TENT2: variants seen among roughly 807,000 people sequenced by gnomAD.
TENT2 encodes poly(A) RNA polymerase GLD2.
TENT2 carries 44 observed loss-of-function variants against 72.2 expected under a neutral mutation model. The ratio of observed to expected loss-of-function variants is 0.61; its 90% confidence interval spans 0.48 to 0.78. The LOEUF (loss-of-function observed/expected upper bound fraction) is 0.78. TENT2 is among the 30% of genes least tolerant of loss of function. The pLI is 0.00. For missense variants in TENT2, 541 were observed against 569.6 expected, an observed-to-expected ratio of 0.95 and a Z score of 0.51; for synonymous variants, 212 against 192.5, an observed-to-expected ratio of 1.10 and a Z score of -0.84.
At position 79,641,121 on chromosome 5, in the gene TENT2, G is replaced by A; in HGVS notation, c.597G>A (p.Leu199=). ...TTTCTTTAGAAAGCAGACTTTTTTT[G>A]GTTGGGTCCTCTTTAAATGGATTTG... The part of the protein sequence containing the change: ...QLLFPQSRLF[L]VGSSLNGFGT... The change falls in exon 6 of 15, where the codon TTG becomes TTA. Residue 199 remains leucine (L), a synonymous_variant. Transcript: ENST00000453514. 6.4e-7 allele frequency: 1 copy of A among 1,565,984 alleles called. No homozygotes were observed. The highest frequency in any genetic ancestry group is 8.6e-7 in the Non-Finnish European group (1 of 1,165,536).
chr5:79,631,129 C>G (rs180727150), intron 4 of TENT2, among the ~76,000 whole-genome samples: 1 of 152,200 alleles, frequency 6.6e-6, no homozygotes, highest in East Asian at 1.9e-4. Context: ...TCCTGTGTAC[C>G]CTACTACATT....
chr5:79,649,214 A>T, intron 10 of TENT2, 24 bp downstream of exon 10: 1 of 1,598,698 alleles, frequency 6.3e-7, no homozygotes, highest in Non-Finnish European at 8.6e-7. Flanking sequence ...GGTTTTACCC[A>T]ATTTTTAAAA....
At position 79,686,315 on chromosome 5, in the gene TENT2, GAA is replaced by G. The variant is rs775656986; in HGVS notation, c.*1044_*1045del. On this transcript the variant is annotated 3_prime_UTR_variant, in exon 15 of 15. Coordinates refer to ENST00000453514, the MANE Select transcript of TENT2 (RefSeq NM_001114394.3). The stretch of plus-strand genomic sequence containing the variant: ...TTTTTTAGTATTTCTTTTTTCACAT[GAA>G]AGAAGTGGTGGCTGCTAAAAAAAAA... The G allele has an allele frequency of 2.6e-5, 4 of 151,812 alleles. No individual in the cohort carries two copies. The highest frequency in any genetic ancestry group is 5.9e-5 in the Non-Finnish European group (4 of 67,936). The allele number at this position is 151,812 out of a possible 1,614,324, so 9.4% of individuals were successfully genotyped here.
intron 8 of TENT2, 76 bp from the exon 9 acceptor site, chr5:79,648,541 T>G: frequency 1.0e-6 from 1 of 991,806 alleles, no homozygotes; most frequent in Non-Finnish European, 1.5e-6. Context: ...GGATGAGCAT[T>G]AATTTAGTTA....
intron 11 of TENT2, among the ~76,000 whole-genome samples, chr5:79,662,349 C>T (rs940080301): frequency 7.2e-5 from 11 of 152,112 alleles, no homozygotes; most frequent in African/African-American, 2.4e-4. Context: ...TTTGACCTCC[C>T]ATGAATCATG....
chr5:79,620,216 G>A (rs1391250949), intron 3 of TENT2, 133 bp downstream of exon 3: 3 of 523,754 alleles, frequency 5.7e-6, no homozygotes, highest in Non-Finnish European at 1.0e-5. Flanking sequence ...GATCAGATGA[G>A]TCATGGAATT....
At chr5:79,658,267 T>A (rs6877427) in intron 11 of TENT2, among the ~76,000 whole-genome samples, 20 of 152,058 alleles carry the variant, frequency 1.3e-4, no homozygotes, top group African/African-American at 4.6e-4. Context: ...GTCTTTATGG[T>A]CTCTTAAACA....
chr5:79,678,422 T>G (rs2150890962), intron 12 of TENT2, among the ~76,000 whole-genome samples: 1 of 152,264 alleles, frequency 6.6e-6, no homozygotes, highest in East Asian at 1.9e-4. Flanking sequence ...GAAAGTTAAA[T>G]ACTACTTAAA....
At chr5:79,628,643 T>C (rs1313473809) in intron 4 of TENT2, among the ~76,000 whole-genome samples, 1 of 152,146 alleles carries the variant, frequency 6.6e-6, no homozygotes, top group Non-Finnish European at 1.5e-5. Flanking sequence ...GGGTTACCAG[T>C]AGAGATAAAG....
In TENT2 at chr5:79,687,320, G is replaced by C. The variant is rs1654187144; in HGVS notation, c.*2047G>C. ...TTAATCTCAATTATTTGTGTGGTGA[G>C]TACTAAATTATTTTCTGTTTGTGTT... On this transcript the variant is annotated 3_prime_UTR_variant, in exon 15 of 15. Transcript: ENST00000453514. Among the ~76,000 whole-genome samples, 1 of 152,084 alleles carries C rather than the reference G, an allele frequency of 6.6e-6. No homozygotes were observed. The highest frequency in any genetic ancestry group is 2.4e-5 in the African/African-American group (1 of 41,416).
rs770227855 is a variant in TENT2 at position 79,620,028 on chromosome 5, T to C, written c.172T>C (p.Tyr58His). The change falls in exon 3 of 15, where the codon TAT becomes CAT. Residue 58 changes from tyrosine (Y) to histidine (H), a missense_variant. Transcript: ENST00000453514. ...AGCTGTGTCATTACAGCAGCTGACA[T>C]ATGGAAATGTCAGTCCAATACAGAC... is the stretch of plus-strand genomic sequence containing the variant. The part of the protein sequence containing the change: ...SRAVSLQQLT[Y>H]GNVSPIQTSA... 2 of 1,612,316 alleles carry C rather than the reference T, an allele frequency of 1.2e-6. No homozygotes were observed. Among genetic ancestry groups the C allele is most frequent in the Admixed American group, 1.7e-5 (1 of 59,988 alleles).
intron 4 of TENT2, among the ~76,000 whole-genome samples, chr5:79,636,770 A>G (rs955729029): frequency 6.6e-6 from 1 of 152,092 alleles, no homozygotes; most frequent in Non-Finnish European, 1.5e-5. Context: ...GGTTCTCTCA[A>G]TATTTTCTAG....
intron 14 of TENT2, among the ~76,000 whole-genome samples, chr5:79,682,629 G>A (rs1197247403): frequency 6.6e-6 from 1 of 152,026 alleles, no homozygotes; most frequent in Non-Finnish European, 1.5e-5. Flanking sequence ...TCCAAAATAA[G>A]TGAATAAAAC....
In TENT2 at chr5:79,659,504, C is replaced by G. The variant is rs1374169640; in HGVS notation, c.1071+2503C>G. ...CCCAGATTGCGCCACTGTACTCCAG[C>G]CTCGGCGACAGAGCGAGACTCTGTC... is the stretch of plus-strand genomic sequence containing the variant. On this transcript the variant is annotated intron_variant, in intron 11 of 14. Coordinates refer to ENST00000453514, the MANE Select transcript of TENT2 (RefSeq NM_001114394.3). Among the ~76,000 whole-genome samples the G allele has an allele frequency of 2.3e-5, 3 of 128,434 alleles. No homozygotes were observed. In the South Asian group the frequency reaches 7.5e-4, roughly 32 times the overall value. 84.3% of individuals were successfully genotyped at this position (128,434 alleles called of 152,430 possible). A position where few individuals can be genotyped will look rare whatever the true frequency, so the allele number is the denominator to read the frequency against.
At chr5:79,681,269 C>G (rs1256765465) in intron 13 of TENT2, among the ~76,000 whole-genome samples, 1 of 150,090 alleles carries the variant, frequency 6.7e-6, no homozygotes, top group Non-Finnish European at 1.5e-5. Context: ...AAGTGATTCC[C>G]CTGCCTCAGC....
At chr5:79,626,406 C>T (rs536509650) in intron 4 of TENT2, among the ~76,000 whole-genome samples, 26 of 149,916 alleles carry the variant, frequency 1.7e-4, no homozygotes, top group Non-Finnish European at 1.8e-4. Context: ...CTCCTGTGTT[C>T]GCGCTATTCT....
At chr5:79,640,129 G>A (rs1026174621) in intron 4 of TENT2, among the ~76,000 whole-genome samples, 3 of 152,084 alleles carry the variant, frequency 2.0e-5, no homozygotes, top group Non-Finnish European at 4.4e-5. Flanking sequence ...GGTGGCACAT[G>A]CCTGTATTCT....
chr5:79,656,471 C>A (rs1035870435), intron 10 of TENT2, among the ~76,000 whole-genome samples: 6 of 151,522 alleles, frequency 4.0e-5, no homozygotes, highest in Non-Finnish European at 8.9e-5. Context: ...TTTTCCTGAA[C>A]GATTTCAATT....
In TENT2 at chr5:79,623,455, C is replaced by T; in HGVS notation, c.431C>T (p.Pro144Leu). The T allele has an allele frequency of 6.2e-7, 1 of 1,609,924 alleles. No homozygotes were observed. The change falls in exon 4 of 15, where the codon CCT becomes CTT. Residue 144 changes from proline to leucine, a missense_variant. By Grantham distance (98) the Pro-to-Leu change is moderately conservative. Coordinates refer to ENST00000453514, the MANE Select transcript of TENT2 (RefSeq NM_001114394.3). ...PPFREIAFLE[P>L]REITLPEAKD... is the part of the protein sequence containing the mutation. ...TTTCGAGAAATTGCATTTTTAGAAC[C>T]TAGAGAAATCACACTGCCTGAGGCC...
Sources: allele counts gnomAD v4.1 joint callset (sites outside exome capture counted in the v4.1 genomes callset), GRCh38; gene constraint gnomAD v4.1.1; transcripts MANE v1.5; gene names NCBI Gene and HGNC (gene_info 2026-07-23, HGNC 2026-07-21).